The following GALNT9 variants were observed in gnomAD, a reference collection of about 807,000 sequenced individuals.
GALNT9 encodes the protein GalNAc transferase 9.
A neutral mutation model predicts 63.1 loss-of-function variants in GALNT9; 47 were observed. The observed-to-expected ratio is 0.75, with a 90% CI of 0.59 to 0.95. GALNT9 has a LOEUF of 0.95. GALNT9 is among the 40% of genes least tolerant of loss of function. The probability of loss-of-function intolerance (pLI) is 0.00; values close to 1 mark genes in which losing one functional copy is unlikely to be tolerated. For missense variants in GALNT9, 829 were observed against 874.8 expected (o/e 0.95, Z 0.66); for synonymous variants, 396 against 365.7 (o/e 1.08, Z -0.94).
At chr12:132,235,211 G>A (rs1877957777) in intron 6 of GALNT9, among the ~76,000 whole-genome samples, 2 of 151,982 alleles carry the variant, frequency 1.3e-5, no homozygotes. Context: ...GCGTGAGAGA[G>A]GAGACAGCGT....
chr12:132,320,814 G>A (rs1057059478), intron 1 of GALNT9, among the ~76,000 whole-genome samples: 1 of 152,228 alleles, frequency 6.6e-6, no homozygotes, highest in Admixed American at 6.5e-5. Context: ...CCAGCGGGGG[G>A]GTCCTTCTGC....
At chr12:132,270,202 A>G (rs1393994215) in intron 2 of GALNT9, among the ~76,000 whole-genome samples, 3 of 152,246 alleles carry the variant, frequency 2.0e-5, no homozygotes, top group African/African-American at 4.8e-5. Flanking sequence ...CTATGGAATC[A>G]ATAACCACTG....
intron 6 of GALNT9, among the ~76,000 whole-genome samples, chr12:132,239,748 A>T (rs2136897402): frequency 2.6e-5 from 4 of 152,292 alleles, no homozygotes; most frequent in Admixed American, 2.6e-4. Context: ...AGAGACAGAG[A>T]CAGAGACATG....
chr12:132,210,873 G>A (rs1278881224), intron 6 of GALNT9, among the ~76,000 whole-genome samples: 1 of 151,514 alleles, frequency 6.6e-6, no homozygotes, highest in Non-Finnish European at 1.5e-5. Context: ...CCATCTGGAG[G>A]TCGCCGTCTG....
At chr12:132,213,119 T>G (rs867181322) in intron 6 of GALNT9, among the ~76,000 whole-genome samples, 129 of 14,986 alleles carry the variant, frequency 8.6e-3, no homozygotes, top group Admixed American at 0.012. Flanking sequence ...CCTTCAGACC[T>G]CGACACGGAA....
chr12:132,204,792 C>T (rs1473354448), intron 6 of GALNT9, among the ~76,000 whole-genome samples: 1 of 152,122 alleles, frequency 6.6e-6, no homozygotes. Context: ...AAGGCCGATG[C>T]CACCCACGGG....
chr12:132,282,007 G>C lies in GALNT9; in HGVS notation c.419+4243C>G, dbSNP rs56128258. Among the ~76,000 whole-genome samples, 17 of 131,696 alleles carry C rather than the reference G, an allele frequency of 1.3e-4. No individual in the cohort carries two copies. The highest frequency in any genetic ancestry group is 2.6e-4 in the South Asian group (1 of 3,902). The allele number at this position is 131,696 out of a possible 152,430, so 86.4% of individuals were successfully genotyped here. ...GAGGAATCAGCTCCACTGCAGCAAG[G>C]CCAGGCCTGGGGGTCCCCGATCCCA... On this transcript the variant is annotated intron_variant, in intron 2 of 10. Coordinates refer to ENST00000328957, the MANE Select transcript of GALNT9 (RefSeq NM_001122636.2). The surrounding 1 kb of genome is among the most constrained non-coding windows in gnomAD (Gnocchi z 4.5).
At position 132,271,087 on chromosome 12, in the gene GALNT9, C is replaced by T. The variant is rs376255837; in HGVS notation, c.420-8462G>A. Reference sequence around the variant, plus strand: ...CGCTGCTTCTCCATGACAGACGCTGCGCCCGTCACTCTGTGCCAGTCCCCC... The same window carrying T: ...CGCTGCTTCTCCATGACAGACGCTGTGCCCGTCACTCTGTGCCAGTCCCCC... On this transcript the variant is annotated intron_variant, in intron 2 of 10. Transcript: ENST00000328957. Among the ~76,000 whole-genome samples, 75 of 152,312 alleles carry T rather than the reference C, an allele frequency of 4.9e-4. No individual in the cohort carries two copies. In the South Asian group the frequency reaches 5.8e-3, roughly 12 times the overall value.
intron 1 of GALNT9, among the ~76,000 whole-genome samples, chr12:132,324,507 A>G (rs1222912455): frequency 5.3e-5 from 8 of 152,196 alleles, no homozygotes; most frequent in African/African-American, 1.9e-4. Flanking sequence ...ACCAGCGGCT[A>G]TGGATGGGAC....
At chr12:132,269,824 A>T (rs781997996) in intron 2 of GALNT9, among the ~76,000 whole-genome samples, 19 of 152,346 alleles carry the variant, frequency 1.2e-4, no homozygotes, top group Admixed American at 6.5e-4. Flanking sequence ...CCAGCTATGC[A>T]GGCCTGGCCT....
chr12:132,241,490 C>A lies in GALNT9; in HGVS notation c.1077+6420G>T, dbSNP rs1386473615. ...CATTACACACACGCCACACACCCTT[C>A]CAGGGGCCCTCCCTATACCCATTAC... On this transcript the variant is annotated intron_variant, in intron 6 of 10. Coordinates refer to ENST00000328957, the MANE Select transcript of GALNT9 (RefSeq NM_001122636.2). 3.7e-3 allele frequency among the ~76,000 whole-genome samples: 259 copies of A among 70,486 alleles called. 1 individual carries two copies. Among genetic ancestry groups the A allele is most frequent in the Non-Finnish European group, 5.1e-3 (154 of 30,154 alleles). The allele number at this position is 70,486 out of a possible 152,430, so 46.2% of individuals were successfully genotyped here. A position where few individuals can be genotyped will look rare whatever the true frequency, so the allele number is the denominator to read the frequency against.
intron 6 of GALNT9, among the ~76,000 whole-genome samples, chr12:132,211,545 C>T (rs938865017): frequency 1.3e-5 from 2 of 152,136 alleles, no homozygotes; most frequent in African/African-American, 2.4e-5. Context: ...CAGAAACAGC[C>T]GTGTATCCGC....
At chr12:132,293,563 G>A (rs535552493) in intron 1 of GALNT9, among the ~76,000 whole-genome samples, 8 of 152,214 alleles carry the variant, frequency 5.3e-5, no homozygotes, top group Non-Finnish European at 1.2e-4. Context: ...CCTGTGGTTG[G>A]TGTGTTCTAA....
At chr12:132,217,936 CACCCACCCACTCACCACTCATCCATCT>C (rs1475395222) in intron 6 of GALNT9, among the ~76,000 whole-genome samples, 198 of 151,058 alleles carry the variant, frequency 1.3e-3, no homozygotes, top group African/African-American at 4.3e-3. Context: ...TCCATTCATC[CACCCACCCACTCACCACTCATCCATCT>C]ACCCACCCAC....
chr12:132,284,167 A>T (rs1345888384), intron 2 of GALNT9: 4 of 150,198 alleles, frequency 2.7e-5, no homozygotes, highest in Admixed American at 2.0e-4. Flanking sequence ...ACACGCACGT[A>T]TACACACACA....
At chr12:132,298,099 T>A (rs1881140703) in intron 1 of GALNT9, among the ~76,000 whole-genome samples, 1 of 152,024 alleles carries the variant, frequency 6.6e-6, no homozygotes, top group Non-Finnish European at 1.5e-5. Context: ...ACTCCTGAGA[T>A]AACCAAGTCA....
intron 2 of GALNT9, among the ~76,000 whole-genome samples, chr12:132,272,247 G>A (rs1411520342): frequency 4.6e-5 from 7 of 152,226 alleles, no homozygotes; most frequent in Non-Finnish European, 1.0e-4. Context: ...CAACGACCCA[G>A]GGAAGCACCC....
rs999393083 is a variant in GALNT9, at chr12:132,276,040, T to C, written c.419+10210A>G. Among the ~76,000 whole-genome samples the C allele has an allele frequency of 2.4e-4, 37 of 152,354 alleles. 1 individual carries two copies. The highest frequency in any genetic ancestry group is 7.0e-4 in the African/African-American group (29 of 41,580). On this transcript the variant is annotated intron_variant, in intron 2 of 10. Coordinates refer to ENST00000328957, the MANE Select transcript of GALNT9 (RefSeq NM_001122636.2). ...CCCCGCAGGTCCCAGTGAATCCACA[T>C]TGCAGCAGGAAGCCACAGGGCAGGA...
intron 6 of GALNT9, among the ~76,000 whole-genome samples, chr12:132,241,625 C>G (rs1878363787): frequency 9.5e-6 from 1 of 104,952 alleles, no homozygotes; most frequent in Non-Finnish European, 2.1e-5. Context: ...ACACCCCCTT[C>G]CCGGGGCCCT....
Sources: allele counts gnomAD v4.1 joint callset (sites outside exome capture counted in the v4.1 genomes callset), GRCh38; gene constraint gnomAD v4.1.1; non-coding constraint Gnocchi (gnomAD v3.1); transcripts MANE v1.5; gene names NCBI Gene and HGNC (gene_info 2026-07-23, HGNC 2026-07-21).